The following DNHD1 variants were observed in gnomAD, a reference collection of about 807,000 sequenced individuals.
DNHD1 encodes dynein heavy chain domain-containing protein 1.
Under a neutral mutation model 458.1 loss-of-function variants are expected in DNHD1, and 383 were observed. That is an observed-to-expected ratio of 0.84 (90% confidence interval 0.77 to 0.91). The LOEUF is 0.91. DNHD1 is among the 40% of genes least tolerant of loss of function. DNHD1 has a pLI of 0.00. For synonymous variants in DNHD1, 2,203 were observed against 2,376.9 expected (o/e 0.93, Z 2.13); for missense variants, 5,336 against 5,866.1 (o/e 0.91, Z 2.95).
chr11:6,558,437 G>A, intron 25 of DNHD1, 48 bp from the exon 26 acceptor site: 1 of 1,546,742 alleles, frequency 6.5e-7, no homozygotes, highest in African/African-American at 1.4e-5. Context: ...GGCCAGGAGG[G>A]GCAAGCAAAG....
At position 6,559,914 on chromosome 11, in the gene DNHD1, G is replaced by A. The variant is rs112610835; in HGVS notation, c.9519+631G>A. 1.4e-3 allele frequency among the ~76,000 whole-genome samples: 220 copies of A among 152,092 alleles called. 2 individuals are homozygous for A. Among genetic ancestry groups the A allele is most frequent in the African/African-American group, 5.0e-3 (206 of 41,484 alleles). ...ACCTGCTCTACAATGTTTTTGAGCC[G>A]TCCCATTTTTCCTTTAGCGCTCCCT... On this transcript the variant is annotated intron_variant, in intron 28 of 42. Transcript: ENST00000254579.
chr11:6,544,823 A>G lies in DNHD1; in HGVS notation c.3884A>G (p.Tyr1295Cys). The G allele has an allele frequency of 1.3e-6, 2 of 1,551,692 alleles. No individual in the cohort carries two copies. Among genetic ancestry groups the G allele is most frequent in the Non-Finnish European group, 8.7e-7 (1 of 1,146,984 alleles). ...CGTTTCAAGGTCATGGATGACCAGT[A>G]TCGAACCCTGATGCGCATCTCTGTA... ...NSRFKVMDDQ[Y>C]RTLMRISVAD... The change falls in exon 21 of 43, where the codon TAT becomes TGT. Residue 1295 changes from tyrosine to cysteine, a missense_variant. Transcript: ENST00000254579.
At chr11:6,552,658 G>T (rs975126415) in intron 24 of DNHD1, among the ~76,000 whole-genome samples, 1 of 151,970 alleles carries the variant, frequency 6.6e-6, no homozygotes, top group African/African-American at 2.4e-5. Context: ...TGGCGGGGGC[G>T]GGGTGGGGTG....
At chr11:6,559,310 T>C (rs1305195185) in intron 28 of DNHD1, 27 bp downstream of exon 28, 4 of 1,543,008 alleles carry the variant, frequency 2.6e-6, no homozygotes, top group East Asian at 4.9e-5. Flanking sequence ...GAGGCTTCCA[T>C]GGTGGTGTCA....
In DNHD1 at chr11:6,533,171, A is replaced by G. The variant is rs1381277269; in HGVS notation, c.2492A>G (p.Gln831Arg). Residue 831 changes from glutamine (Q) to arginine (R), a missense_variant, in exon 13 of 43, where the codon CAG becomes CGG. By Grantham distance (43) the Gln-to-Arg change is conservative (BLOSUM62 1). Around this residue, in one of 4 missense-constraint regions of DNHD1, gnomAD observed 3,932 missense variants for 4,365.6 expected, o/e 0.90. Transcript: ENST00000254579. ...TINSDIHAIA[Q>R]CTQKLNEANE... ...AACTCAGATATTCATGCCATTGCAC[A>G]GTGCACCCAGAAGGTGGGCTCTCCC... 3.2e-6 allele frequency: 5 copies of G among 1,551,536 alleles called. No individual in the cohort carries two copies. The highest frequency in any genetic ancestry group is 4.4e-6 in the Non-Finnish European group (5 of 1,146,944).
At chr11:6,551,710 A>G (rs757104842) in intron 24 of DNHD1, among the ~76,000 whole-genome samples, 53 of 152,146 alleles carry the variant, frequency 3.5e-4, no homozygotes, top group Non-Finnish European at 6.6e-4. Flanking sequence ...TGGGAGGCCA[A>G]GGAGGGCAGA....
rs1445035564 is a variant in DNHD1, at chr11:6,505,831, TACTG to T, written c.920+2908_920+2911del. ...AATTATCACTTGTGGTTGAATGTGA[TACTG>T]ACACCTAGTGGCTGCTACACTTGAC... On this transcript the variant is annotated intron_variant, in intron 4 of 42. Coordinates refer to ENST00000254579, the MANE Select transcript of DNHD1 (RefSeq NM_144666.3). The surrounding 1 kb of genome is among the most constrained non-coding windows in gnomAD (Gnocchi z 4.4). Among the ~76,000 whole-genome samples, 1 of 152,242 alleles carries T rather than the reference TACTG, an allele frequency of 6.6e-6. No homozygotes were observed. The highest frequency in any genetic ancestry group is 2.4e-5 in the African/African-American group (1 of 41,468).
At chr11:6,531,691 T>A (rs1049566234) in intron 12 of DNHD1, among the ~76,000 whole-genome samples, 1 of 152,176 alleles carries the variant, frequency 6.6e-6, no homozygotes, top group Non-Finnish European at 1.5e-5. Context: ...TTTCTTATTA[T>A]CAGGTCTTAG....
intron 3 of DNHD1, among the ~76,000 whole-genome samples, chr11:6,499,963 C>T (rs901660905): frequency 4.1e-5 from 4 of 98,306 alleles, no homozygotes; most frequent in South Asian, 3.8e-4. Flanking sequence ...CTCTAACTTT[C>T]GATTTTTTTT....
At chr11:6,525,309 G>C (rs532089153) in intron 10 of DNHD1, among the ~76,000 whole-genome samples, 1 of 152,160 alleles carries the variant, frequency 6.6e-6, no homozygotes, top group South Asian at 2.1e-4. Flanking sequence ...TGTAAGATAG[G>C]CTAGGAAATC....
At chr11:6,544,048 C>G (rs1350567240) in intron 18 of DNHD1, 73 bp from the exon 19 acceptor site, 1 of 1,501,808 alleles carries the variant, frequency 6.7e-7, no homozygotes, top group Non-Finnish European at 9.0e-7. Context: ...GAAGGTTCCC[C>G]TGGTCTCCTC....
In DNHD1 at chr11:6,547,414, G is replaced by A. The variant is rs1853245994; in HGVS notation, c.6475G>A (p.Ala2159Thr). 1 of 1,551,612 alleles carries A rather than the reference G, an allele frequency of 6.4e-7. No individual in the cohort carries two copies. Among genetic ancestry groups the A allele is most frequent in the South Asian group, 1.2e-5 (1 of 84,060 alleles). Residue 2159 changes from alanine to threonine, a missense_variant, in exon 21 of 43, where the codon GCC (alanine) becomes ACC (threonine). By Grantham distance (58) the Ala-to-Thr change is moderately conservative. This residue lies in a region of DNHD1 where 3,932 missense variants were observed against 4,365.6 expected (regional missense o/e 0.90). Transcript: ENST00000254579. ...GEQTWQCILSALMASLPYEYR... is the reference protein window; with the variant it reads ...GEQTWQCILSTLMASLPYEYR... The stretch of plus-strand genomic sequence containing the variant: ...GCAGACTTGGCAGTGTATACTTAGT[G>A]CCCTGATGGCATCCCTTCCTTATGA...
intron 29 of DNHD1, 112 bp from the exon 30 acceptor site, chr11:6,563,270 T>G: frequency 6.7e-7 from 1 of 1,502,190 alleles, no homozygotes; most frequent in Non-Finnish European, 9.1e-7. Flanking sequence ...TAGGATGGCT[T>G]GGGGAGTGGC....
rs1390598621 is a variant in DNHD1 at position 6,570,687 on chromosome 11, C to T, written c.13175C>T (p.Pro4392Leu). 2 of 1,611,730 alleles carry T rather than the reference C, an allele frequency of 1.2e-6. No individual in the cohort carries two copies. The highest frequency in any genetic ancestry group is 3.3e-5 in the Admixed American group (2 of 59,742). ...CACCTACTGCCCTCACCACCTGAAC[C>T]CCGGCTCTGCGGACTGAGTGAGGGC... ...QMHLLPSPPE[P>L]RLCGLSEGPQ... The change falls in exon 42 of 43, where the codon CCC (proline) becomes CTC (leucine). Residue 4392 changes from proline (P) to leucine (L), a missense_variant. Coordinates refer to ENST00000254579, the MANE Select transcript of DNHD1 (RefSeq NM_144666.3).
Position 6,548,418 on chromosome 11 carries a change from G to A in DNHD1, c.7098+16G>A. ...TTCTATCCAGGTGTGAGGACAGTAAGGCAAGAGCTGGGGTTAGAACTTCAG... is the reference window on the plus strand; with the variant it reads ...TTCTATCCAGGTGTGAGGACAGTAAAGCAAGAGCTGGGGTTAGAACTTCAG... On this transcript the variant is annotated intron_variant, in intron 23 of 42. Transcript: ENST00000254579. The surrounding 1 kb of genome is among the most constrained non-coding windows in gnomAD (Gnocchi z 4.4). 3 of 1,550,552 alleles carry A rather than the reference G, an allele frequency of 1.9e-6. No homozygotes were observed. Among genetic ancestry groups the A allele is most frequent in the Non-Finnish European group, 2.6e-6 (3 of 1,146,174 alleles).
intron 28 of DNHD1, among the ~76,000 whole-genome samples, chr11:6,561,610 A>G (rs751860723): frequency 1.8e-4 from 28 of 152,274 alleles, no homozygotes; most frequent in Admixed American, 3.9e-4. Flanking sequence ...ATCAAGAAAA[A>G]CTTTCTAGAG....
chr11:6,567,846 G>A lies in DNHD1; in HGVS notation c.12337G>A (p.Ala4113Thr). ...HPLTVIQKLA[A>T]KYQQGQKQLQ... ...TCTGACTGTCATCCAGAAACTGGCT[G>A]CCAAGTATCAGCAGGTTTGAACCTA... The change falls in exon 36 of 43, where the codon GCC (alanine) becomes ACC (threonine). Residue 4113 changes from alanine to threonine, a missense_variant. Transcript: ENST00000254579. 6.2e-7 allele frequency: 1 copy of A among 1,611,580 alleles called. No individual in the cohort carries two copies. The highest frequency in any genetic ancestry group is 8.5e-7 in the Non-Finnish European group (1 of 1,179,572).
At chr11:6,539,124 G>A in intron 16 of DNHD1, 95 bp from the exon 17 acceptor site, 2 of 829,944 alleles carry the variant, frequency 2.4e-6, no homozygotes, top group Admixed American at 4.3e-5. Context: ...TGGGGTCTGA[G>A]CTGGGCTGGG....
chr11:6,567,950 C>A, intron 36 of DNHD1, 90 bp downstream of exon 36: 1 of 1,486,412 alleles, frequency 6.7e-7, no homozygotes, highest in Non-Finnish European at 9.0e-7. Flanking sequence ...ATGGATCTTT[C>A]TGTACTACGT....
Sources: gnomAD v4.1 joint callset for allele counts (sites outside exome capture counted in the v4.1 genomes callset) on GRCh38, gnomAD v4.1.1 for gene constraint, gnomAD v4.1.1 regional missense constraint, Gnocchi (gnomAD v3.1) non-coding constraint, MANE v1.5 for transcripts, NCBI Gene and HGNC (gene_info 2026-07-23, HGNC 2026-07-21) for gene names.